Variants in CTNND2 observed in about 807,000 individuals in gnomAD.
CTNND2 encodes catenin delta-2.
CTNND2 carries 22 observed loss-of-function variants against 144.4 expected under a neutral mutation model. That is an observed-to-expected ratio of 0.15 (90% CI 0.11 to 0.22). The LOEUF (loss-of-function observed/expected upper bound fraction) is 0.22. CTNND2 is among the 10% of genes least tolerant of loss of function. The probability of loss-of-function intolerance (pLI) is 1.00; values close to 1 mark genes in which losing one functional copy is unlikely to be tolerated. For missense variants in CTNND2, 1,353 were observed against 1,618.8 expected (o/e 0.84, Z 2.82); for synonymous variants, 751 against 695.6 (o/e 1.08, Z -1.25).
chr5:11,198,187 G>A (rs1039041844), intron 11 of CTNND2, among the ~76,000 whole-genome samples: 1 of 152,172 alleles, frequency 6.6e-6, no homozygotes, highest in African/African-American at 2.4e-5. Flanking sequence ...ATATCATACT[G>A]TGTAGATAAA....
chr5:11,374,735 T>C (rs1451198565), intron 7 of CTNND2, among the ~76,000 whole-genome samples: 1 of 151,840 alleles, frequency 6.6e-6, no homozygotes, highest in Non-Finnish European at 1.5e-5. Flanking sequence ...ACTACGAATA[T>C]TTCCATGGAA....
At chr5:11,786,941 C>G (rs1477547689) in intron 1 of CTNND2, among the ~76,000 whole-genome samples, 1 of 152,196 alleles carries the variant, frequency 6.6e-6, no homozygotes, top group East Asian at 1.9e-4. Flanking sequence ...AGGGACTCTG[C>G]CTTCCTAAAG....
At chr5:11,070,393 A>G (rs1291872049) in intron 16 of CTNND2, among the ~76,000 whole-genome samples, 3 of 152,230 alleles carry the variant, frequency 2.0e-5, no homozygotes, top group Non-Finnish European at 2.9e-5. Flanking sequence ...GTTTAAAGAT[A>G]GATTACTAGA....
chr5:11,355,354 A>G (rs1021967527), intron 8 of CTNND2, among the ~76,000 whole-genome samples: 2 of 152,188 alleles, frequency 1.3e-5, no homozygotes, highest in African/African-American at 4.8e-5. Context: ...AGAATTATTT[A>G]ATACATGTAA....
At chr5:11,739,108 C>G (rs756582463) in intron 1 of CTNND2, among the ~76,000 whole-genome samples, 5 of 152,138 alleles carry the variant, frequency 3.3e-5, no homozygotes, top group Admixed American at 3.3e-4. Context: ...CTAGAGATGG[C>G]CAGTGGGTAC....
chr5:11,231,703 C>T (rs1164072983), intron 10 of CTNND2, among the ~76,000 whole-genome samples: 1 of 152,194 alleles, frequency 6.6e-6, no homozygotes, highest in Non-Finnish European at 1.5e-5. Context: ...AAGGAAAACT[C>T]ATTTTCCGGG....
At chr5:11,081,842 G>A (rs544994855) in intron 16 of CTNND2, among the ~76,000 whole-genome samples, 45 of 152,290 alleles carry the variant, frequency 3.0e-4, no homozygotes, top group African/African-American at 8.9e-4. Flanking sequence ...GGGATGGAGA[G>A]TGATTGCTAA....
At chr5:11,522,478 C>T (rs1402478856) in intron 3 of CTNND2, among the ~76,000 whole-genome samples, 4 of 152,128 alleles carry the variant, frequency 2.6e-5, no homozygotes, top group South Asian at 4.1e-4. Flanking sequence ...AAAGCATTGC[C>T]GCAGACTACA....
chr5:11,032,299 G>C (rs1193486645), intron 16 of CTNND2, among the ~76,000 whole-genome samples: 1 of 152,074 alleles, frequency 6.6e-6, no homozygotes, highest in Non-Finnish European at 1.5e-5. Flanking sequence ...TTTTCCTTTT[G>C]TATATAAAAG....
intron 9 of CTNND2, among the ~76,000 whole-genome samples, chr5:11,262,414 G>C (rs1169208288): frequency 6.6e-6 from 1 of 152,116 alleles, no homozygotes; most frequent in Non-Finnish European, 1.5e-5. Flanking sequence ...CTATTTTCTA[G>C]ACTGGATGTT....
intron 3 of CTNND2, among the ~76,000 whole-genome samples, chr5:11,507,792 G>T (rs564884591): frequency 1.7e-4 from 26 of 152,314 alleles, no homozygotes; most frequent in African/African-American, 6.3e-4. Flanking sequence ...CACAGCACGA[G>T]CAGCCACAGA....
intron 9 of CTNND2, among the ~76,000 whole-genome samples, chr5:11,261,795 G>C (rs2149955887): frequency 6.6e-6 from 1 of 152,324 alleles, no homozygotes. Context: ...GGATTTTGCA[G>C]CTTTTATTTG....
In CTNND2 at chr5:11,847,131, TATATATATA is replaced by T. The variant is rs1794777735; in HGVS notation, c.37+56677_37+56685del. 3.3e-4 allele frequency among the ~76,000 whole-genome samples: 3 copies of T among 9,100 alleles called. 1 individual carries two copies. Among genetic ancestry groups the T allele is most frequent in the South Asian group, 2.5e-3 (1 of 402 alleles). 6.0% of individuals were successfully genotyped at this position (9,100 alleles called of 152,430 possible). ...TAAAATCAGTATGTCAAAGATTTTA[TATATATATA>T]TATATATATATATATATATATATAT... On this transcript the variant is annotated intron_variant, in intron 1 of 21. Coordinates refer to ENST00000304623, the MANE Select transcript of CTNND2 (RefSeq NM_001332.4).
intron 11 of CTNND2, among the ~76,000 whole-genome samples, chr5:11,165,398 A>G (rs896608982): frequency 2.6e-5 from 4 of 152,206 alleles, no homozygotes; most frequent in Non-Finnish European, 5.9e-5. Context: ...TGGGATTCAC[A>G]CCAATTTTCA....
intron 9 of CTNND2, among the ~76,000 whole-genome samples, chr5:11,280,174 G>A (rs1425655904): frequency 6.6e-6 from 1 of 152,120 alleles, no homozygotes; most frequent in African/African-American, 2.4e-5. Context: ...AGCATTTATT[G>A]TAAAGCTCAG....
chr5:11,556,240 A>G (rs1776226252), intron 3 of CTNND2, among the ~76,000 whole-genome samples: 2 of 152,158 alleles, frequency 1.3e-5, no homozygotes, highest in Non-Finnish European at 2.9e-5. Flanking sequence ...TCCTATGGCT[A>G]TGGTTGGTAA....
intron 11 of CTNND2, among the ~76,000 whole-genome samples, chr5:11,187,907 T>C (rs1447313920): frequency 6.6e-6 from 1 of 152,090 alleles, no homozygotes; most frequent in Non-Finnish European, 1.5e-5. Flanking sequence ...ATGAGACACC[T>C]TCTCATACCA....
At chr5:11,413,504 A>G (rs760839453) in intron 3 of CTNND2, among the ~76,000 whole-genome samples, 5 of 152,192 alleles carry the variant, frequency 3.3e-5, no homozygotes, top group Non-Finnish European at 7.4e-5. Flanking sequence ...TTAAAGATCA[A>G]TCCCATTGGT....
intron 9 of CTNND2, among the ~76,000 whole-genome samples, chr5:11,261,211 G>C (rs2149954775): frequency 6.6e-6 from 1 of 152,282 alleles, no homozygotes; most frequent in African/African-American, 2.4e-5. Flanking sequence ...AAATGACACA[G>C]GTAGCATTAG....
Sources: allele counts gnomAD v4.1 joint callset (sites outside exome capture counted in the v4.1 genomes callset), GRCh38; gene constraint gnomAD v4.1.1; transcripts MANE v1.5; gene names NCBI Gene and HGNC (gene_info 2026-07-23, HGNC 2026-07-21).